The following SPATA17 variants were observed in gnomAD, a reference collection of about 807,000 sequenced individuals.
SPATA17 encodes the protein spermatogenesis-associated protein 17.
Under a neutral mutation model 62.2 loss-of-function variants are expected in SPATA17, and 53 were observed. The observed-to-expected ratio is 0.85, with a 90% CI of 0.68 to 1.07. SPATA17 has a LOEUF of 1.07. Ranked by LOEUF, SPATA17 falls within the 50% of genes least tolerant of loss-of-function variation. The pLI, the probability that SPATA17 is intolerant of heterozygous loss-of-function variation, is 0.00. For synonymous variants in SPATA17, 146 were observed against 146.8 expected (o/e 0.99, Z 0.04); for missense variants, 466 against 425.5 (o/e 1.10, Z -0.84).
rs1047008618 is a variant in SPATA17, at chr1:217,869,101, A to G, written c.*2082A>G. ...GTGTCCAAGGTGGTCAAGCTATACA[A>G]CTTGGTTTTATACATTTTAAGGAGA... On this transcript the variant is annotated 3_prime_UTR_variant, in exon 11 of 11. Transcript: ENST00000366933. 6.6e-6 allele frequency: 1 copy of G among 152,316 alleles called. No individual in the cohort carries two copies. The highest frequency in any genetic ancestry group is 1.5e-5 in the Non-Finnish European group (1 of 68,112). 9.4% of individuals were successfully genotyped at this position (152,316 alleles called of 1,614,324 possible).
chr1:217,640,884 A>T (rs956683012), intron 1 of SPATA17, among the ~76,000 whole-genome samples: 4 of 152,134 alleles, frequency 2.6e-5, no homozygotes, highest in Admixed American at 2.6e-4. Flanking sequence ...CTGGAATTAG[A>T]TAGATCTGGA....
intron 3 of SPATA17, among the ~76,000 whole-genome samples, chr1:217,659,489 GT>G (rs1458270753): frequency 6.6e-6 from 1 of 152,026 alleles, no homozygotes; most frequent in Admixed American, 6.6e-5. Context: ...CTTAAAAATA[GT>G]TTTTACAATC....
At chr1:217,672,930 G>A (rs1670864300) in intron 4 of SPATA17, among the ~76,000 whole-genome samples, 1 of 151,960 alleles carries the variant, frequency 6.6e-6, no homozygotes, top group African/African-American at 2.4e-5. Flanking sequence ...CTTCATCTTT[G>A]TATCTTCAAT....
At chr1:217,839,298 A>C (rs1178420927) in intron 9 of SPATA17, among the ~76,000 whole-genome samples, 1 of 152,076 alleles carries the variant, frequency 6.6e-6, no homozygotes, top group East Asian at 1.9e-4. Flanking sequence ...TGATGTTTGC[A>C]TTCTGAGGAA....
chr1:217,726,534 C>A (rs1158655626), intron 5 of SPATA17, among the ~76,000 whole-genome samples: 1 of 152,148 alleles, frequency 6.6e-6, no homozygotes, highest in African/African-American at 2.4e-5. Context: ...ATTGAACTTG[C>A]CCATATACTA....
intron 3 of SPATA17, among the ~76,000 whole-genome samples, chr1:217,652,011 T>C (rs573240904): frequency 6.6e-5 from 10 of 152,196 alleles, no homozygotes; most frequent in Non-Finnish European, 1.5e-4. Flanking sequence ...GGCACAGTTG[T>C]CTCGTAATTG....
At chr1:217,756,528 A>T (rs1673047906) in intron 6 of SPATA17, among the ~76,000 whole-genome samples, 1 of 152,218 alleles carries the variant, frequency 6.6e-6, no homozygotes, top group Non-Finnish European at 1.5e-5. Flanking sequence ...GGACTACTTT[A>T]AGAATATTTT....
intron 6 of SPATA17, among the ~76,000 whole-genome samples, chr1:217,767,877 T>C (rs984642033): frequency 6.6e-6 from 1 of 152,154 alleles, no homozygotes; most frequent in African/African-American, 2.4e-5. Flanking sequence ...ACTGCCTGTG[T>C]TTCCACAGAG....
chr1:217,865,454 C>T lies in SPATA17; in HGVS notation c.*3-1568C>T, dbSNP rs150229260. The stretch of plus-strand genomic sequence containing the variant: ...AAGATTTAAACCACTGAAAAATACA[C>T]GGAACTAGATCTTAAACACACACAT... On this transcript the variant is annotated intron_variant, in intron 10 of 10. Transcript: ENST00000366933. Among the ~76,000 whole-genome samples, 11 of 152,260 alleles carry T rather than the reference C, an allele frequency of 7.2e-5. No homozygotes were observed. In the East Asian group the frequency reaches 1.7e-3, roughly 24 times the overall value.
rs75208131 is a variant in SPATA17, at chr1:217,666,999, A to G, written c.241-2034A>G. 6.4e-3 allele frequency among the ~76,000 whole-genome samples: 962 copies of G among 151,404 alleles called. 6 individuals are homozygous for G. Among genetic ancestry groups the G allele is most frequent in the Non-Finnish European group, 0.011 (755 of 67,804 alleles). Reference sequence around the variant, plus strand: ...CTGAATCTTTTTTTCCTGTTAGTTCATAATAAAATTGAGCCTTTTATACTT... The same window carrying G: ...CTGAATCTTTTTTTCCTGTTAGTTCGTAATAAAATTGAGCCTTTTATACTT... On this transcript the variant is annotated intron_variant, in intron 3 of 10. Transcript: ENST00000366933.
intron 8 of SPATA17, 141 bp downstream of exon 8, chr1:217,782,463 T>C: frequency 1.1e-6 from 1 of 907,336 alleles, no homozygotes; most frequent in South Asian, 3.2e-5. Context: ...AAAGCAATAA[T>C]TTTTCAGCAT....
In SPATA17 at chr1:217,774,497, G is replaced by T. The variant is rs761102893; in HGVS notation, c.683G>T (p.Arg228Leu). ...LACTSARSFP[R>L]SEILPPINRK... ...TGTACAAGCGCCCGTTCTTTTCCTC[G>T]GTCTGAAATTCTACCACCTATTAAT... The change falls in exon 7 of 11, where the codon CGG becomes CTG. Residue 228 changes from arginine to leucine, a missense_variant. Coordinates refer to ENST00000366933, the MANE Select transcript of SPATA17 (RefSeq NM_138796.4). The T allele has an allele frequency of 6.2e-7, 1 of 1,613,656 alleles. No individual in the cohort carries two copies. Among genetic ancestry groups the T allele is most frequent in the African/African-American group, 1.3e-5 (1 of 74,834 alleles).
intron 5 of SPATA17, among the ~76,000 whole-genome samples, chr1:217,713,260 T>C (rs764386402): frequency 3.9e-5 from 6 of 152,172 alleles, no homozygotes; most frequent in Non-Finnish European, 8.8e-5. Context: ...GGATGTTTTT[T>C]TTTTCCTAGT....
At chr1:217,846,729 G>T (rs1675538431) in intron 9 of SPATA17, among the ~76,000 whole-genome samples, 2 of 151,828 alleles carry the variant, frequency 1.3e-5, no homozygotes, top group African/African-American at 2.4e-5. Context: ...TTCTTTTATT[G>T]AATTACTTTT....
At chr1:217,668,245 A>T (rs1376183767) in intron 3 of SPATA17, among the ~76,000 whole-genome samples, 1 of 152,184 alleles carries the variant, frequency 6.6e-6, no homozygotes, top group Non-Finnish European at 1.5e-5. Context: ...TATTAATTTT[A>T]TATTTTTAAT....
chr1:217,733,586 G>T (rs942705807), intron 5 of SPATA17, among the ~76,000 whole-genome samples: 1 of 152,072 alleles, frequency 6.6e-6, no homozygotes, highest in Non-Finnish European at 1.5e-5. Flanking sequence ...CTACTTGAAG[G>T]CAAGTACTAC....
At chr1:217,706,925 G>T (rs975883043) in intron 5 of SPATA17, among the ~76,000 whole-genome samples, 12 of 150,922 alleles carry the variant, frequency 8.0e-5, no homozygotes, top group Non-Finnish European at 1.5e-4. Context: ...GGAGTGCAAT[G>T]GCACAATCTT....
At chr1:217,833,307 A>G (rs909439581) in intron 9 of SPATA17, among the ~76,000 whole-genome samples, 1 of 152,226 alleles carries the variant, frequency 6.6e-6, no homozygotes, top group Non-Finnish European at 1.5e-5. Context: ...GAAAGTTGTC[A>G]TCAACTGGAG....
intron 5 of SPATA17, among the ~76,000 whole-genome samples, chr1:217,731,106 C>T (rs559285982): frequency 6.6e-6 from 1 of 152,036 alleles, no homozygotes; most frequent in African/African-American, 2.4e-5. Context: ...CTCTTGGTTT[C>T]CTTTCTCCAT....
Sources: gnomAD v4.1 joint callset for allele counts (sites outside exome capture counted in the v4.1 genomes callset) on GRCh38, gnomAD v4.1.1 for gene constraint, MANE v1.5 for transcripts, NCBI Gene and HGNC (gene_info 2026-07-23, HGNC 2026-07-21) for gene names.